Variants in PARD3B observed in about 807,000 individuals in gnomAD.
PARD3B encodes partitioning defective 3 homolog B.
In PARD3B, 103 loss-of-function variants were observed where a neutral mutation model predicts 130.2. The ratio of observed to expected loss-of-function variants is 0.79; its 90% CI spans 0.67 to 0.93. The LOEUF (loss-of-function observed/expected upper bound fraction) is 0.93, where lower values mean the gene tolerates loss of function less well. Among genes scored for constraint, PARD3B ranks in the 40% least tolerant of loss-of-function variants. The pLI, the probability that PARD3B is intolerant of heterozygous loss-of-function variation, is 0.00. For synonymous variants in PARD3B, 583 were observed against 553.2 expected, an observed-to-expected ratio of 1.05 and a Z score of -0.76; for missense variants, 1,609 against 1,499.2, an observed-to-expected ratio of 1.07 and a Z score of -1.21.
At chr2:204,709,872 C>G (rs960610919) in intron 2 of PARD3B, among the ~76,000 whole-genome samples, 10 of 152,172 alleles carry the variant, frequency 6.6e-5, no homozygotes, top group Non-Finnish European at 1.2e-4. Flanking sequence ...GGATTATTAA[C>G]TTTAAAGGAC....
At chr2:205,415,690 G>C (rs180728222) in intron 19 of PARD3B, among the ~76,000 whole-genome samples, 82 of 152,206 alleles carry the variant, frequency 5.4e-4, no homozygotes, top group African/African-American at 1.8e-3. Context: ...GGTCCATACT[G>C]CTCTTGCTCA....
intron 21 of PARD3B, among the ~76,000 whole-genome samples, chr2:205,524,576 C>T (rs2051250090): frequency 6.6e-6 from 1 of 152,142 alleles, no homozygotes; most frequent in African/African-American, 2.4e-5. Flanking sequence ...CTGCCCTTCA[C>T]CTTCATACTA....
chr2:205,517,967 T>G (rs1240689670), intron 21 of PARD3B, among the ~76,000 whole-genome samples: 1 of 152,166 alleles, frequency 6.6e-6, no homozygotes, highest in African/African-American at 2.4e-5. Context: ...TGATTTTGGT[T>G]GTTTTGCATT....
chr2:204,593,855 A>G (rs189112643), intron 1 of PARD3B, among the ~76,000 whole-genome samples: 238 of 152,310 alleles, frequency 1.6e-3, no homozygotes, highest in Non-Finnish European at 3.0e-3. Context: ...TACGACCAGC[A>G]TCCACTAAGA....
chr2:204,557,824 G>C (rs920223882), intron 1 of PARD3B, among the ~76,000 whole-genome samples: 2 of 152,142 alleles, frequency 1.3e-5, no homozygotes, highest in African/African-American at 2.4e-5. Context: ...AGGTTGACTT[G>C]CTTCTTAGAT....
chr2:205,299,562 T>TATATATATATATATATATA (rs1403850769), intron 16 of PARD3B, among the ~76,000 whole-genome samples: 2 of 4,024 alleles, frequency 5.0e-4, no homozygotes, highest in African/African-American at 2.3e-3. Context: ...TATTATATAT[T>TATATATATATATATATATA]ATATATATAT....
chr2:204,868,723 C>T (rs1183827507), intron 2 of PARD3B, among the ~76,000 whole-genome samples: 1 of 152,138 alleles, frequency 6.6e-6, no homozygotes, highest in Non-Finnish European at 1.5e-5. Context: ...AGATAGGTCA[C>T]GAATGTAGTA....
At chr2:204,929,275 T>G (rs947352745) in intron 2 of PARD3B, among the ~76,000 whole-genome samples, 5 of 152,186 alleles carry the variant, frequency 3.3e-5, no homozygotes, top group Non-Finnish European at 5.9e-5. Context: ...TCACTGCTAG[T>G]TGAATAATCT....
chr2:204,997,183 G>A (rs947210235), intron 3 of PARD3B, among the ~76,000 whole-genome samples: 1 of 152,198 alleles, frequency 6.6e-6, no homozygotes, highest in Non-Finnish European at 1.5e-5. Flanking sequence ...TGTCAGGGTA[G>A]GTTCCTGTGT....
chr2:205,424,194 A>T (rs2047067491), intron 19 of PARD3B, among the ~76,000 whole-genome samples: 2 of 152,146 alleles, frequency 1.3e-5, no homozygotes, highest in African/African-American at 4.8e-5. Context: ...GTGTCTTTTT[A>T]AACTCTCTAT....
chr2:204,566,602 A>G (rs1251582169), intron 1 of PARD3B, among the ~76,000 whole-genome samples: 3 of 152,212 alleles, frequency 2.0e-5, no homozygotes, highest in Non-Finnish European at 4.4e-5. Context: ...CTTAGTGATT[A>G]TTTTCAAAAT....
At chr2:205,098,219 C>T (rs1702518712) in intron 4 of PARD3B, among the ~76,000 whole-genome samples, 1 of 152,138 alleles carries the variant, frequency 6.6e-6, no homozygotes. Flanking sequence ...TTCTAACATT[C>T]ATGTGTATTT....
intron 2 of PARD3B, among the ~76,000 whole-genome samples, chr2:204,929,305 ACTGACATTGAATGTTAAGGATTCT>A (rs1687855155): frequency 6.6e-6 from 1 of 152,148 alleles, no homozygotes; most frequent in Non-Finnish European, 1.5e-5. Flanking sequence ...CACACGCTTC[ACTGACATTGAATGTTAAGGATTCT>A]CAGTAATCTA....
At chr2:204,881,183 T>C (rs536476007) in intron 2 of PARD3B, among the ~76,000 whole-genome samples, 9 of 152,358 alleles carry the variant, frequency 5.9e-5, no homozygotes, top group African/African-American at 2.2e-4. Context: ...CAGTTTTTTC[T>C]TTTGTTTTCA....
At chr2:205,318,824 C>A (rs956266263) in intron 18 of PARD3B, among the ~76,000 whole-genome samples, 1 of 152,136 alleles carries the variant, frequency 6.6e-6, no homozygotes, top group East Asian at 1.9e-4. Context: ...CACCCAGCAT[C>A]TTAGTGTCAA....
At position 205,547,724 on chromosome 2, in the gene PARD3B, C is replaced by T. The variant is rs1424554217; in HGVS notation, c.3181-5600C>T. On this transcript the variant is annotated intron_variant, in intron 21 of 22. Transcript: ENST00000406610. Reference sequence around the variant, plus strand: ...TTCACTCCCCAAACTAGCAATGTTACAGCTGCTAAAGCTGCCACAGGAAAA... The same window carrying T: ...TTCACTCCCCAAACTAGCAATGTTATAGCTGCTAAAGCTGCCACAGGAAAA... 3.3e-5 allele frequency among the ~76,000 whole-genome samples: 5 copies of T among 152,290 alleles called. No individual in the cohort carries two copies. The South Asian group carries it at 1.0e-3, about 32-fold the overall frequency.
chr2:204,781,299 C>T (rs1372022151), intron 2 of PARD3B, among the ~76,000 whole-genome samples: 1 of 152,024 alleles, frequency 6.6e-6, no homozygotes, highest in Non-Finnish European at 1.5e-5. Context: ...TGTACATTTA[C>T]AGATAATATA....
chr2:205,196,708 CAT>C (rs1244331256), intron 15 of PARD3B, among the ~76,000 whole-genome samples: 2 of 152,008 alleles, frequency 1.3e-5, no homozygotes, highest in Admixed American at 1.3e-4. Flanking sequence ...TTATTAATAA[CAT>C]GTATTGACTT....
At chr2:205,399,339 G>T (rs901874693) in intron 18 of PARD3B, among the ~76,000 whole-genome samples, 41 of 149,674 alleles carry the variant, frequency 2.7e-4, no homozygotes, top group Admixed American at 7.9e-4. Context: ...TTTGTTTTTT[G>T]TGTGTGTTTT....
Sources: gnomAD v4.1 joint callset for allele counts (sites outside exome capture counted in the v4.1 genomes callset) on GRCh38, gnomAD v4.1.1 for gene constraint, MANE v1.5 for transcripts, NCBI Gene and HGNC (gene_info 2026-07-23, HGNC 2026-07-21) for gene names.